The following PMFBP1 variants were observed in gnomAD, a reference collection of about 807,000 sequenced individuals.
The protein encoded by PMFBP1 is polyamine modulated factor 1 binding protein 1.
A neutral mutation model predicts 137.8 loss-of-function variants in PMFBP1; 131 were observed. That is an observed-to-expected ratio of 0.95 (90% CI 0.82 to 1.10). PMFBP1 has a LOEUF of 1.10. Ranked by LOEUF, PMFBP1 falls within the 50% of genes least tolerant of loss-of-function variation. The probability of loss-of-function intolerance (pLI) is 0.00; values close to 1 mark genes in which losing one functional copy is unlikely to be tolerated. For synonymous variants in PMFBP1, 490 were observed against 450.4 expected (o/e 1.09, Z -1.11); for missense variants, 1,199 against 1,175.4 (o/e 1.02, Z -0.29).
At position 72,136,545 on chromosome 16, in the gene PMFBP1, T is replaced by A; in HGVS notation, c.1106A>T (p.Glu369Val). 1 of 1,613,908 alleles carries A rather than the reference T, an allele frequency of 6.2e-7. No homozygotes were observed. ...GLREETSAHI[E>V]RKDKDITILQ... ...GATGGTGATGTCCTTATCCTTCCTC[T>A]CAATGTGGGCAGATGTCTCCTCCCG... Residue 369 changes from glutamate (E) to valine (V), a missense_variant, in exon 9 of 21, where the codon GAG becomes GTG. Coordinates refer to ENST00000237353, the MANE Select transcript of PMFBP1 (RefSeq NM_031293.3).
upstream of PMFBP1, among the ~76,000 whole-genome samples, chr16:72,174,789 C>T (rs1420689011): frequency 6.6e-6 from 1 of 152,132 alleles, no homozygotes; most frequent in African/African-American, 2.4e-5. Flanking sequence ...ATCACGAGAA[C>T]AGCATGGGGG....
At chr16:72,129,812 G>T (rs1300548685) in intron 12 of PMFBP1, among the ~76,000 whole-genome samples, 1 of 152,080 alleles carries the variant, frequency 6.6e-6, no homozygotes, top group Non-Finnish European at 1.5e-5. Context: ...ATGGATTGGT[G>T]GTGATATCTT....
the PMFBP1 span, among the ~76,000 whole-genome samples, chr16:72,226,055 C>G: frequency 6.6e-6 from 1 of 152,024 alleles, no homozygotes; most frequent in African/African-American, 2.4e-5. Context: ...TTCCTATGAG[C>G]ACTTTATTCC....
chr16:72,132,026 T>C (rs1246348068), intron 10 of PMFBP1, among the ~76,000 whole-genome samples: 2 of 152,074 alleles, frequency 1.3e-5, no homozygotes, highest in Admixed American at 6.6e-5. Context: ...TTGTATGTTT[T>C]GTAGAGACAA....
the PMFBP1 span, among the ~76,000 whole-genome samples, chr16:72,236,990 C>G: frequency 1.7e-4 from 26 of 152,114 alleles, no homozygotes; most frequent in Non-Finnish European, 1.2e-4. Flanking sequence ...AAGTCTTATT[C>G]AATCACATTT....
At chr16:72,142,271 T>C (rs940186143) in intron 5 of PMFBP1, among the ~76,000 whole-genome samples, 2 of 152,104 alleles carry the variant, frequency 1.3e-5, no homozygotes, top group Non-Finnish European at 1.5e-5. Context: ...GAAGAAGATA[T>C]CTACATATCT....
the PMFBP1 span, among the ~76,000 whole-genome samples, chr16:72,232,004 C>T: frequency 2.8e-5 from 4 of 144,794 alleles, no homozygotes; most frequent in African/African-American, 5.0e-5. Context: ...TCTCTGGTCA[C>T]GCCAAGTTGA....
chr16:72,197,668 C>T, the PMFBP1 span, among the ~76,000 whole-genome samples: 4 of 152,166 alleles, frequency 2.6e-5, no homozygotes, highest in African/African-American at 7.2e-5. Flanking sequence ...ATTGACCCAC[C>T]CAGTGAGAGC....
the PMFBP1 span, among the ~76,000 whole-genome samples, chr16:72,248,363 C>T: frequency 6.6e-6 from 1 of 152,090 alleles, no homozygotes; most frequent in Non-Finnish European, 1.5e-5. Flanking sequence ...TACCAGCTGT[C>T]GCTTAAACTT....
At chr16:72,150,967 C>A (rs1253589237) in intron 4 of PMFBP1, 138 bp from the exon 5 acceptor site, 55 of 726,738 alleles carry the variant, frequency 7.6e-5, no homozygotes, top group Non-Finnish European at 5.6e-5. Flanking sequence ...CTGCACAGAT[C>A]TAAAAGCTAC....
chr16:72,237,441 T>TA, the PMFBP1 span, among the ~76,000 whole-genome samples: 2,705 of 151,544 alleles, frequency 0.018, 27 homozygotes, highest in Non-Finnish European at 0.024. Flanking sequence ...ATAGTCACAT[T>TA]AAAAAAAAAT....
chr16:72,242,943 G>T, the PMFBP1 span, among the ~76,000 whole-genome samples: 2 of 152,330 alleles, frequency 1.3e-5, no homozygotes, highest in African/African-American at 4.8e-5. Flanking sequence ...TGAGCCCTGG[G>T]TGGGTATAAC....
chr16:72,191,779 G>A, the PMFBP1 span, among the ~76,000 whole-genome samples: 1 of 152,196 alleles, frequency 6.6e-6, no homozygotes, highest in Non-Finnish European at 1.5e-5. Flanking sequence ...GGAATCCTCT[G>A]AAGAGGCTCT....
At chr16:72,156,801 T>C (rs889986580) in intron 3 of PMFBP1, among the ~76,000 whole-genome samples, 2 of 152,236 alleles carry the variant, frequency 1.3e-5, no homozygotes, top group African/African-American at 2.4e-5. Context: ...GTGGGTATGA[T>C]ATTTTCATCT....
the PMFBP1 span, among the ~76,000 whole-genome samples, chr16:72,213,629 G>A: frequency 6.6e-6 from 1 of 152,200 alleles, no homozygotes; most frequent in Non-Finnish European, 1.5e-5. Flanking sequence ...TCCTGAGTTA[G>A]AGGACCCAGC....
At chr16:72,161,825 TA>T (rs1338326392) in intron 3 of PMFBP1, among the ~76,000 whole-genome samples, 3 of 152,202 alleles carry the variant, frequency 2.0e-5, no homozygotes, top group Non-Finnish European at 4.4e-5. Context: ...TTCAGTGAAA[TA>T]TTTTTTTTCA....
chr16:72,152,749 G>A (rs929046295), intron 4 of PMFBP1, among the ~76,000 whole-genome samples: 1 of 151,798 alleles, frequency 6.6e-6, no homozygotes, highest in African/African-American at 2.4e-5. Context: ...GGAGGCTGTG[G>A]CAGGAGAGTC....
the PMFBP1 span, among the ~76,000 whole-genome samples, chr16:72,187,897 C>T: frequency 2.0e-5 from 3 of 152,288 alleles, no homozygotes; most frequent in African/African-American, 7.2e-5. Flanking sequence ...CATTTAATAT[C>T]GAGAAACCTG....
chr16:72,188,953 G>T, the PMFBP1 span, among the ~76,000 whole-genome samples: 1 of 152,204 alleles, frequency 6.6e-6, no homozygotes, highest in East Asian at 1.9e-4. Context: ...CCAAGGGAGC[G>T]CAGAGTGCCC....
Sources: allele counts gnomAD v4.1 joint callset (sites outside exome capture counted in the v4.1 genomes callset), GRCh38; gene constraint gnomAD v4.1.1; transcripts MANE v1.5; gene names NCBI Gene and HGNC (gene_info 2026-07-23, HGNC 2026-07-21).